Variants in ZDHHC21 observed in about 807,000 individuals in gnomAD.
ZDHHC21 encodes the protein zDHHC palmitoyltransferase 21, also known as palmitoyltransferase ZDHHC21.
In ZDHHC21, 15 loss-of-function variants were observed where a neutral mutation model predicts 34.6. That is an observed-to-expected ratio of 0.43 (90% CI 0.29 to 0.67). The LOEUF is 0.67. ZDHHC21 is among the 30% of genes least tolerant of loss of function. The probability of loss-of-function intolerance (pLI) is 0.14; values close to 1 mark genes in which losing one functional copy is unlikely to be tolerated. For synonymous variants in ZDHHC21, 142 were observed against 101.8 expected (o/e 1.40, Z -2.38); for missense variants, 344 against 327.7 (o/e 1.05, Z -0.38).
intron 8 of ZDHHC21, among the ~76,000 whole-genome samples, chr9:14,626,213 T>C (rs1018857609): frequency 3.3e-5 from 5 of 151,972 alleles, no homozygotes; most frequent in African/African-American, 1.2e-4. Context: ...AATAATAATA[T>C]ATCAATAAAA....
intron 3 of ZDHHC21, among the ~76,000 whole-genome samples, chr9:14,679,139 A>C (rs919459818): frequency 1.3e-5 from 2 of 152,110 alleles, no homozygotes; most frequent in East Asian, 3.8e-4. Context: ...ATGGTACGTA[A>C]ATTTACCTTT....
intron 5 of ZDHHC21, among the ~76,000 whole-genome samples, chr9:14,669,921 G>C (rs1835152111): frequency 6.8e-6 from 1 of 147,678 alleles, no homozygotes; most frequent in South Asian, 2.2e-4. Flanking sequence ...GAGTTAGTGG[G>C]TGCAGTGCAC....
Position 14,616,486 on chromosome 9 carries a change from TG to T in ZDHHC21, c.*2479del. ...TACACTCCTCCTAAGTTTGTACTTT[TG>T]ATATGTTCAGAATGTGGCTATACTA... On this transcript the variant is annotated 3_prime_UTR_variant, in exon 10 of 10. Coordinates refer to ENST00000380916, the MANE Select transcript of ZDHHC21 (RefSeq NM_178566.6). 6.6e-6 allele frequency: 1 copy of T among 151,938 alleles called. No homozygotes were observed. The highest frequency in any genetic ancestry group is 1.9e-4 in the East Asian group (1 of 5,152). The allele number at this position is 151,938 out of a possible 1,614,324, so 9.4% of individuals were successfully genotyped here.
intron 8 of ZDHHC21, among the ~76,000 whole-genome samples, chr9:14,628,205 T>G (rs1586933265): frequency 6.6e-6 from 1 of 152,144 alleles, no homozygotes; most frequent in Non-Finnish European, 1.5e-5. Flanking sequence ...AAAATGAGAT[T>G]AGAATCCACT....
the ZDHHC21 span, chr9:14,593,467 T>C: frequency 8.5e-5 from 13 of 152,170 alleles, no homozygotes; most frequent in African/African-American, 1.9e-4. Flanking sequence ...AAAATCTGAA[T>C]AGATCTTCTC....
chr9:14,638,632 G>A (rs1345909672), intron 8 of ZDHHC21, among the ~76,000 whole-genome samples: 2 of 151,340 alleles, frequency 1.3e-5, no homozygotes, highest in East Asian at 1.9e-4. Context: ...CTTTTTGCTT[G>A]ACAAGGGACA....
intron 2 of ZDHHC21, among the ~76,000 whole-genome samples, chr9:14,683,261 T>A (rs1430743695): frequency 6.6e-6 from 1 of 151,736 alleles, no homozygotes; most frequent in Non-Finnish European, 1.5e-5. Flanking sequence ...GGTTTTTTAT[T>A]TTTTATTTTT....
At chr9:14,658,950 A>G (rs1832867706) in intron 6 of ZDHHC21, 63 bp from the exon 7 acceptor site, 10 of 1,502,380 alleles carry the variant, frequency 6.7e-6, no homozygotes, top group East Asian at 4.5e-5. Context: ...CTCAGGATCA[A>G]TAAGACTAAA....
chr9:14,635,417 A>G (rs563021442), intron 8 of ZDHHC21, among the ~76,000 whole-genome samples: 1 of 152,344 alleles, frequency 6.6e-6, no homozygotes, highest in South Asian at 2.1e-4. Context: ...AAGACAGAGA[A>G]TTGTAAAAAC....
intron 5 of ZDHHC21, among the ~76,000 whole-genome samples, chr9:14,665,283 A>T (rs1200019968): frequency 4.8e-4 from 65 of 134,246 alleles, no homozygotes; most frequent in Admixed American, 3.4e-3. Context: ...TGAAGCGAGA[A>T]GGGAAGTTTA....
the ZDHHC21 span, among the ~76,000 whole-genome samples, chr9:14,605,754 C>G: frequency 6.6e-6 from 1 of 152,102 alleles, no homozygotes; most frequent in African/African-American, 2.4e-5. Flanking sequence ...TCCAAGAAGT[C>G]AACAATGTTA....
chr9:14,664,056 G>A (rs1387975775), intron 5 of ZDHHC21, among the ~76,000 whole-genome samples: 4 of 152,248 alleles, frequency 2.6e-5, no homozygotes, highest in East Asian at 3.9e-4. Flanking sequence ...CAGCGTGAGC[G>A]ACGCAGAAGA....
At chr9:14,674,861 A>C (rs1353755481) in intron 3 of ZDHHC21, among the ~76,000 whole-genome samples, 5 of 152,034 alleles carry the variant, frequency 3.3e-5, no homozygotes, top group Non-Finnish European at 5.9e-5. Context: ...CTGAAAAGGA[A>C]CATGAGAGAA....
chr9:14,604,890 C>T, the ZDHHC21 span, among the ~76,000 whole-genome samples: 4 of 152,180 alleles, frequency 2.6e-5, no homozygotes. Context: ...CCCCTCCCCA[C>T]AGCAGCCACC....
the ZDHHC21 span, among the ~76,000 whole-genome samples, chr9:14,602,830 G>C: frequency 6.7e-6 from 1 of 149,594 alleles, no homozygotes; most frequent in Admixed American, 6.8e-5. Context: ...GGCTGAGGCA[G>C]AAGGCCTGCT....
At chr9:14,690,691 T>C (rs1839031339) in intron 1 of ZDHHC21, among the ~76,000 whole-genome samples, 1 of 152,150 alleles carries the variant, frequency 6.6e-6, no homozygotes, top group African/African-American at 2.4e-5. Flanking sequence ...TAAAGTACCA[T>C]CATACTAAGG....
chr9:14,665,622 G>A (rs1319290166), intron 5 of ZDHHC21, among the ~76,000 whole-genome samples: 2 of 143,818 alleles, frequency 1.4e-5, no homozygotes, highest in African/African-American at 2.6e-5. Flanking sequence ...CCCTCAAAGG[G>A]AAGCCCATCA....
chr9:14,687,938 A>T (rs1838586255), intron 2 of ZDHHC21, among the ~76,000 whole-genome samples: 1 of 150,940 alleles, frequency 6.6e-6, no homozygotes, highest in African/African-American at 2.5e-5. Context: ...GAATTTAGAA[A>T]GCAGAGTTAC....
chr9:14,660,306 CAGTGAGGCAGAGGTTGA>C (rs1316503363), intron 6 of ZDHHC21, among the ~76,000 whole-genome samples: 1 of 129,652 alleles, frequency 7.7e-6, no homozygotes, highest in Non-Finnish European at 1.5e-5. Flanking sequence ...GCAGAGGTTG[CAGTGAGGCAGAGGTTGA>C]GATCATGCCA....
Sources: allele counts gnomAD v4.1 joint callset (sites outside exome capture counted in the v4.1 genomes callset), GRCh38; gene constraint gnomAD v4.1.1; transcripts MANE v1.5; gene names NCBI Gene and HGNC (gene_info 2026-07-23, HGNC 2026-07-21).